The following STXBP4 variants were observed in gnomAD, a reference collection of about 807,000 sequenced individuals.
The protein encoded by STXBP4 is syntaxin binding protein 4.
STXBP4 carries 55 observed loss-of-function variants against 76.1 expected under a neutral mutation model. That is an observed-to-expected ratio of 0.72 (90% CI 0.58 to 0.91). The LOEUF (loss-of-function observed/expected upper bound fraction) is 0.91. Ranked by LOEUF, STXBP4 falls within the 40% of genes least tolerant of loss-of-function variation. The pLI, the probability that STXBP4 is intolerant of heterozygous loss-of-function variation, is 0.00. For synonymous variants in STXBP4, 201 were observed against 220.2 expected, an observed-to-expected ratio of 0.91 and a Z score of 0.77; for missense variants, 618 against 636.9, an observed-to-expected ratio of 0.97 and a Z score of 0.32.
rs200337304 is a variant in STXBP4 at position 55,129,564 on chromosome 17, A to AAAAG, written c.1490-11726_1490-11723dup. Among the ~76,000 whole-genome samples, 1,373 of 152,084 alleles carry AAAAG rather than the reference A, an allele frequency of 9.0e-3. 9 individuals are homozygous for AAAAG. The highest frequency in any genetic ancestry group is 0.012 in the Non-Finnish European group (824 of 67,966). On this transcript the variant is annotated intron_variant, in intron 16 of 17. Transcript: ENST00000376352. ...GCAACACAGGGATATTTTATTTCTC[A>AAAAG]AAAGAAAGAAAGAAAGAAAGAAAAG... is the stretch of plus-strand genomic sequence containing the variant.
At chr17:55,052,988 A>T (rs78148611) in intron 12 of STXBP4, among the ~76,000 whole-genome samples, 1 of 13,336 alleles carries the variant, frequency 7.5e-5, no homozygotes, top group Non-Finnish European at 1.9e-4. Flanking sequence ...CTATTTTCTT[A>T]AAAAAAAAAA....
At chr17:54,984,426 T>TC (rs1375093756) in intron 1 of STXBP4, among the ~76,000 whole-genome samples, 1 of 143,500 alleles carries the variant, frequency 7.0e-6, no homozygotes, top group Non-Finnish European at 1.5e-5. Flanking sequence ...CACTGCAAGC[T>TC]CCGCCTCCCA....
chr17:55,081,727 G>C (rs1015531280), intron 16 of STXBP4, among the ~76,000 whole-genome samples: 9 of 152,128 alleles, frequency 5.9e-5, no homozygotes, highest in Admixed American at 4.6e-4. Flanking sequence ...CTAGTCTTCA[G>C]AGCTGCTGGC....
At chr17:55,011,971 G>A (rs535463453) in intron 8 of STXBP4, among the ~76,000 whole-genome samples, 3 of 152,142 alleles carry the variant, frequency 2.0e-5, no homozygotes, top group Non-Finnish European at 4.4e-5. Context: ...GGGTGCCTTC[G>A]ATGTCATTAA....
chr17:55,174,958 A>G (rs1474224668), downstream of STXBP4, among the ~76,000 whole-genome samples: 2 of 152,146 alleles, frequency 1.3e-5, no homozygotes, highest in African/African-American at 4.8e-5. Flanking sequence ...TGGGAGGCGG[A>G]GCTTGCAGTG....
At chr17:55,195,972 T>C in the STXBP4 span, among the ~76,000 whole-genome samples, 1 of 152,312 alleles carries the variant, frequency 6.6e-6, no homozygotes, top group South Asian at 2.1e-4. Flanking sequence ...ATGTCCAAAA[T>C]GCCAACAGTG....
intron 12 of STXBP4, among the ~76,000 whole-genome samples, chr17:55,068,497 A>G (rs1489187060): frequency 6.6e-6 from 1 of 152,154 alleles, no homozygotes; most frequent in Non-Finnish European, 1.5e-5. Flanking sequence ...AAAGGGCTTT[A>G]CATGATTGTT....
At chr17:54,994,086 T>A (rs2077760650) in intron 4 of STXBP4, among the ~76,000 whole-genome samples, 1 of 152,138 alleles carries the variant, frequency 6.6e-6, no homozygotes, top group Non-Finnish European at 1.5e-5. Context: ...ATCTTTTCAG[T>A]TCAAGCAGAA....
chr17:55,147,229 G>A (rs1210781443), intron 17 of STXBP4, among the ~76,000 whole-genome samples: 2 of 152,174 alleles, frequency 1.3e-5, no homozygotes, highest in African/African-American at 4.8e-5. Context: ...CATGGACCAG[G>A]GGGTAGGGGG....
At chr17:55,066,892 A>G (rs1368191806) in intron 12 of STXBP4, among the ~76,000 whole-genome samples, 2 of 152,212 alleles carry the variant, frequency 1.3e-5, no homozygotes, top group East Asian at 3.8e-4. Context: ...AAAAAGTAAT[A>G]TAATGAAATA....
At chr17:55,140,801 A>G (rs1336681006) in intron 16 of STXBP4, among the ~76,000 whole-genome samples, 1 of 152,204 alleles carries the variant, frequency 6.6e-6, no homozygotes, top group African/African-American at 2.4e-5. Flanking sequence ...TCCATTGTAA[A>G]TCACTTTGCT....
At chr17:55,097,536 G>A (rs2079506511) in intron 16 of STXBP4, among the ~76,000 whole-genome samples, 1 of 152,056 alleles carries the variant, frequency 6.6e-6, no homozygotes, top group Admixed American at 6.5e-5. Context: ...GGTGGCGGGT[G>A]CCTGTAGTAT....
intron 8 of STXBP4, among the ~76,000 whole-genome samples, chr17:55,011,572 C>G (rs934153245): frequency 2.3e-5 from 3 of 129,094 alleles, no homozygotes; most frequent in African/African-American, 9.1e-5. Flanking sequence ...GGAGGGGACC[C>G]AAAGAGGGTA....
At chr17:55,074,069 T>C (rs1598287906) in intron 13 of STXBP4, among the ~76,000 whole-genome samples, 2 of 152,358 alleles carry the variant, frequency 1.3e-5, no homozygotes, top group Admixed American at 1.3e-4. Flanking sequence ...TAAATATTCA[T>C]ACATTTGTTC....
intron 9 of STXBP4, among the ~76,000 whole-genome samples, chr17:55,032,729 G>A (rs2078531305): frequency 6.6e-6 from 1 of 152,154 alleles, no homozygotes; most frequent in Admixed American, 6.5e-5. Context: ...AGTTTGTGGA[G>A]TATATAGTGA....
the STXBP4 span, among the ~76,000 whole-genome samples, chr17:55,185,335 CCTCCTCCTCCTCCTT>C: frequency 3.4e-5 from 5 of 145,264 alleles, 1 homozygote; most frequent in African/African-American, 1.3e-4. Context: ...TTCTCCTCCT[CCTCCTCCTCCTCCTT>C]CTCCTCCTCC....
chr17:55,176,399 A>G (rs1313086413), downstream of STXBP4, among the ~76,000 whole-genome samples: 1 of 152,212 alleles, frequency 6.6e-6, no homozygotes, highest in Non-Finnish European at 1.5e-5. Flanking sequence ...TGTCAGGGTG[A>G]TGAGACAGAG....
the STXBP4 span, among the ~76,000 whole-genome samples, chr17:55,186,315 G>A: frequency 6.6e-6 from 1 of 152,100 alleles, no homozygotes. Context: ...GGAAAACAAT[G>A]CATGGAAAGA....
chr17:55,180,093 T>C, the STXBP4 span, among the ~76,000 whole-genome samples: 1 of 152,186 alleles, frequency 6.6e-6, no homozygotes, highest in Non-Finnish European at 1.5e-5. Context: ...CTAGCTTTGT[T>C]ACCTTGAGCT....
Sources: gnomAD v4.1 joint callset for allele counts (sites outside exome capture counted in the v4.1 genomes callset) on GRCh38, gnomAD v4.1.1 for gene constraint, MANE v1.5 for transcripts, NCBI Gene and HGNC (gene_info 2026-07-23, HGNC 2026-07-21) for gene names.